The following SRP9 variants were observed in gnomAD, a reference collection of about 807,000 sequenced individuals.
SRP9 encodes signal recognition particle 9 kDa protein.
In SRP9, 2 loss-of-function variants were observed where a neutral mutation model predicts 11.7. The observed-to-expected ratio is 0.17, with a 90% CI of 0.07 to 0.54. SRP9 has a LOEUF of 0.54. Ranked by LOEUF, SRP9 falls within the 20% of genes least tolerant of loss-of-function variation. SRP9 has a pLI of 0.94. For synonymous variants in SRP9, 27 were observed against 35.6 expected, an observed-to-expected ratio of 0.76 and a Z score of 0.86; for missense variants, 54 against 108.1, an observed-to-expected ratio of 0.50 and a Z score of 2.22.
intron 1 of SRP9, 22 bp downstream of exon 1, chr1:225,778,034 T>A: frequency 6.2e-7 from 1 of 1,613,794 alleles, no homozygotes. Context: ...GCGGGGCCGC[T>A]GCTTTGGGCC....
rs1559006386 is a variant in SRP9, at chr1:225,786,877, CTA to C, written c.142-2361_142-2360del. On this transcript the variant is annotated intron_variant, in intron 2 of 2. Coordinates refer to ENST00000304786, the MANE Select transcript of SRP9 (RefSeq NM_003133.6). ...TTTTTTTTAGAGACAGTGTCTTGCTCTATTGCTCAGGCTGCAGTGCAGTGGCA... is the reference window on the plus strand; with the variant it reads ...TTTTTTTTAGAGACAGTGTCTTGCTCTTGCTCAGGCTGCAGTGCAGTGGCA... 3.4e-6 allele frequency: 4 copies of C among 1,191,858 alleles called. No homozygotes were observed. The Admixed American group carries it at 9.9e-5, about 30-fold the overall frequency. 73.8% of individuals were successfully genotyped at this position (1,191,858 alleles called of 1,614,324 possible). A position where few individuals can be genotyped will look rare whatever the true frequency, so the allele number is the denominator to read the frequency against.
chr1:225,781,351 T>G (rs757017550), intron 1 of SRP9, among the ~76,000 whole-genome samples: 18 of 151,856 alleles, frequency 1.2e-4, no homozygotes, highest in Non-Finnish European at 2.1e-4. Context: ...AATTACCAAA[T>G]GGACCCTTTT....
chr1:225,778,223 C>G (rs1665722008), intron 1 of SRP9, among the ~76,000 whole-genome samples: 1 of 152,226 alleles, frequency 6.6e-6, no homozygotes, highest in South Asian at 2.1e-4. Context: ...CCAGGTTCAT[C>G]TCAGCCCTAA....
intron 1 of SRP9, among the ~76,000 whole-genome samples, chr1:225,782,384 T>C (rs1575952230): frequency 6.6e-6 from 1 of 152,126 alleles, no homozygotes; most frequent in East Asian, 1.9e-4. Context: ...CAGGATGGTC[T>C]CAATCTCCTG....
intron 1 of SRP9, among the ~76,000 whole-genome samples, chr1:225,782,226 C>T (rs548624974): frequency 1.4e-4 from 21 of 152,026 alleles, no homozygotes; most frequent in African/African-American, 5.1e-4. Context: ...TGCAATGGTG[C>T]GATCTCGGCT....
chr1:225,787,500 C>G lies in SRP9; in HGVS notation c.142-1740C>G, dbSNP rs1224450129. On this transcript the variant is annotated intron_variant, in intron 2 of 2. Transcript: ENST00000304786. The stretch of plus-strand genomic sequence containing the variant: ...AATGAGCCAAGATTGTGCCACTGCA[C>G]TCTAGCCTGGGTGACAGAACTAGAC... 2.0e-5 allele frequency among the ~76,000 whole-genome samples: 3 copies of G among 152,154 alleles called. No individual in the cohort carries two copies. The East Asian group carries it at 5.8e-4, about 29-fold the overall frequency.
In SRP9 at chr1:225,777,964, G is replaced by A. The variant is rs1665717043; in HGVS notation, c.24G>A (p.Glu8=). 6.2e-7 allele frequency: 1 copy of A among 1,614,234 alleles called. No individual in the cohort carries two copies. Among genetic ancestry groups the A allele is most frequent in the Non-Finnish European group, 8.5e-7 (1 of 1,180,032 alleles). The change falls in exon 1 of 3, where the codon GAG becomes GAA. Residue 8 remains glutamate, a synonymous_variant. Coordinates refer to ENST00000304786, the MANE Select transcript of SRP9 (RefSeq NM_003133.6). MPQYQTW[E]EFSRAAEKLY... ...CGATGCCGCAGTACCAGACCTGGGA[G>A]GAGTTCAGCCGCGCTGCCGAGAAGC...
At position 225,777,839 on chromosome 1, in the gene SRP9, G is replaced by A. The variant is rs1218528614; in HGVS notation, c.-102G>A. 5.9e-6 allele frequency: 7 copies of A among 1,177,258 alleles called. No homozygotes were observed. The highest frequency in any genetic ancestry group is 3.9e-5 in the Admixed American group (2 of 50,844). The allele number at this position is 1,177,258 out of a possible 1,614,324, so 72.9% of individuals were successfully genotyped here. A position where few individuals can be genotyped will look rare whatever the true frequency, so the allele number is the denominator to read the frequency against. Reference sequence around the variant, plus strand: ...GTGCGAGGAGGCGCCGCCATCTTGGGGCTGCTGGGACTCGCGTCGGTTGGC... The same window carrying A: ...GTGCGAGGAGGCGCCGCCATCTTGGAGCTGCTGGGACTCGCGTCGGTTGGC... On this transcript the variant is annotated 5_prime_UTR_variant, in exon 1 of 3. Coordinates refer to ENST00000304786, the MANE Select transcript of SRP9 (RefSeq NM_003133.6).
chr1:225,780,522 A>G (rs1665774993), intron 1 of SRP9, among the ~76,000 whole-genome samples: 2 of 152,208 alleles, frequency 1.3e-5, no homozygotes, highest in South Asian at 4.1e-4. Flanking sequence ...TTTAATATAT[A>G]TTTATGTGTG....
intron 1 of SRP9, among the ~76,000 whole-genome samples, chr1:225,778,231 T>A (rs1399010618): frequency 6.6e-6 from 1 of 152,246 alleles, no homozygotes; most frequent in Non-Finnish European, 1.5e-5. Flanking sequence ...ATCTCAGCCC[T>A]AAACATTTCT....
chr1:225,789,345 A>G lies in SRP9; in HGVS notation c.247A>G (p.Met83Val), dbSNP rs1274839826. The G allele has an allele frequency of 1.3e-6, 2 of 1,597,620 alleles. No individual in the cohort carries two copies. Among genetic ancestry groups the G allele is most frequent in the African/African-American group, 2.7e-5 (2 of 73,934 alleles). ...MVAKEARNVT[M>V]ETE is the part of the protein sequence containing the mutation. Reference sequence around the variant, plus strand: ...AGCCAAGGAAGCCCGCAATGTTACCATGGAAACTGAGTGAATGGTTTGAAA... The same window carrying G: ...AGCCAAGGAAGCCCGCAATGTTACCGTGGAAACTGAGTGAATGGTTTGAAA... The change falls in exon 3 of 3, where the codon ATG becomes GTG. Residue 83 changes from methionine to valine, a missense_variant. Physicochemically the swap from Met to Val is conservative, Grantham distance 21. Transcript: ENST00000304786.
intron 2 of SRP9, among the ~76,000 whole-genome samples, chr1:225,785,887 C>T (rs1417590269): frequency 2.0e-5 from 3 of 152,182 alleles, no homozygotes; most frequent in East Asian, 3.9e-4. Context: ...TTCACCATGT[C>T]GCCCAGGCGG....
chr1:225,783,208 A>T, intron 1 of SRP9, 92 bp from the exon 2 acceptor site: 1 of 946,758 alleles, frequency 1.1e-6, no homozygotes, highest in African/African-American at 1.6e-5. Flanking sequence ...TATTTATTCT[A>T]AAAGGATCCT....
intron 2 of SRP9, among the ~76,000 whole-genome samples, chr1:225,788,870 T>C (rs1162116831): frequency 6.6e-6 from 1 of 152,244 alleles, no homozygotes; most frequent in African/African-American, 2.4e-5. Flanking sequence ...CTCAGTTACT[T>C]ATGGCTGGGA....
chr1:225,786,302 A>C (rs1179180310), intron 2 of SRP9, among the ~76,000 whole-genome samples: 1 of 152,202 alleles, frequency 6.6e-6, no homozygotes, highest in East Asian at 1.9e-4. Context: ...TTGTCTTTTT[A>C]ATAGACTGCC....
chr1:225,788,207 C>A (rs1170129048), intron 2 of SRP9, among the ~76,000 whole-genome samples: 1 of 151,986 alleles, frequency 6.6e-6, no homozygotes, highest in Middle Eastern at 3.4e-3. Flanking sequence ...CAAGCCTGGG[C>A]AACATGGAGA....
chr1:225,778,127 A>C, intron 1 of SRP9, 115 bp downstream of exon 1: 2 of 1,131,568 alleles, frequency 1.8e-6, no homozygotes, highest in African/African-American at 1.6e-5. Flanking sequence ...ATGAACACAA[A>C]TGGACCCTGC....
At chr1:225,783,966 T>A (rs556240530) in intron 2 of SRP9, among the ~76,000 whole-genome samples, 1 of 152,150 alleles carries the variant, frequency 6.6e-6, no homozygotes, top group Non-Finnish European at 1.5e-5. Context: ...CTTACTATTC[T>A]GTGTTTCTGT....
In SRP9 at chr1:225,789,420, A is replaced by G; in HGVS notation, c.*61A>G. 6.8e-7 allele frequency: 1 copy of G among 1,462,156 alleles called. No individual in the cohort carries two copies. The highest frequency in any genetic ancestry group is 1.3e-5 in the South Asian group (1 of 74,904). The allele number at this position is 1,462,156 out of a possible 1,614,324, so 90.6% of individuals were successfully genotyped here. A position where few individuals can be genotyped will look rare whatever the true frequency, so the allele number is the denominator to read the frequency against. On this transcript the variant is annotated 3_prime_UTR_variant, in exon 3 of 3. Transcript: ENST00000304786. ...AAGTAAATATCTTTTGAATTAGAGA[A>G]AGTGTTGGGACAGAAAGTACTTTAT...
Sources: gnomAD v4.1 joint callset for allele counts (sites outside exome capture counted in the v4.1 genomes callset) on GRCh38, gnomAD v4.1.1 for gene constraint, MANE v1.5 for transcripts, NCBI Gene and HGNC (gene_info 2026-07-23, HGNC 2026-07-21) for gene names.